The following LRBA variants were observed in gnomAD, a reference collection of about 807,000 sequenced individuals.
LRBA encodes lipopolysaccharide-responsive and beige-like anchor protein.
In LRBA, 176 loss-of-function variants were observed where a neutral mutation model predicts 330.0. The ratio of observed to expected loss-of-function variants is 0.53; its 90% CI spans 0.47 to 0.60. The LOEUF is 0.60. Among genes scored for constraint, LRBA ranks in the 20% least tolerant of loss-of-function variants. The probability of loss-of-function intolerance (pLI) is 0.00; values close to 1 mark genes in which losing one functional copy is unlikely to be tolerated. For missense variants in LRBA, 3,259 were observed against 3,444.8 expected, an observed-to-expected ratio of 0.95 and a Z score of 1.35; for synonymous variants, 1,230 against 1,193.0, an observed-to-expected ratio of 1.03 and a Z score of -0.64.
chr4:150,555,756 A>AACACACACACACACACACACACAC lies in LRBA; in HGVS notation c.6330+32268_6330+32291dup, dbSNP rs34497958. Among the ~76,000 whole-genome samples, 388 of 144,662 alleles carry AACACACACACACACACACACACAC rather than the reference A, an allele frequency of 2.7e-3. 1 individual carries two copies. The highest frequency in any genetic ancestry group is 7.6e-3 in the African/African-American group (293 of 38,396). 94.9% of individuals were successfully genotyped at this position (144,662 alleles called of 152,430 possible). The stretch of plus-strand genomic sequence containing the variant: ...ACAGAGTGAGACTCTGTCTTATAAA[A>AACACACACACACACACACACACAC]ACACACACACACACACACACACACA... On this transcript the variant is annotated intron_variant, in intron 40 of 56. Transcript: ENST00000651943.
chr4:150,800,036 T>C (rs975802255), intron 33 of LRBA, among the ~76,000 whole-genome samples: 16 of 152,324 alleles, frequency 1.1e-4, no homozygotes, highest in African/African-American at 3.6e-4. Flanking sequence ...TGAGCCACCA[T>C]ACCTGGCCCA....
chr4:150,641,003 T>G (rs1778624209), intron 37 of LRBA, among the ~76,000 whole-genome samples: 2 of 152,180 alleles, frequency 1.3e-5, no homozygotes, highest in Non-Finnish European at 2.9e-5. Context: ...TCATATTTTC[T>G]CATGGCAATG....
intron 54 of LRBA, among the ~76,000 whole-genome samples, chr4:150,284,008 C>T (rs1747862127): frequency 1.3e-5 from 2 of 151,894 alleles, no homozygotes; most frequent in African/African-American, 2.4e-5. Context: ...GGGGTATTGG[C>T]CAACAAAGAT....
chr4:150,981,404 C>G (rs1740816524), intron 2 of LRBA, among the ~76,000 whole-genome samples: 1 of 102,284 alleles, frequency 9.8e-6, no homozygotes, highest in Non-Finnish European at 1.9e-5. Context: ...CGGAGTGAGA[C>G]TGTCTCAAAA....
chr4:150,568,676 A>C lies in LRBA; in HGVS notation c.6330+19372T>G, dbSNP rs572227015. Reference sequence around the variant, plus strand: ...AGACTGTTTTCTTATTACAACTTAAAGATTTTAGAGTTTCAAGATTATATC... The same window carrying C: ...AGACTGTTTTCTTATTACAACTTAACGATTTTAGAGTTTCAAGATTATATC... On this transcript the variant is annotated intron_variant, in intron 40 of 56. Coordinates refer to ENST00000651943, the MANE Select transcript of LRBA (RefSeq NM_001364905.1). 3.9e-5 allele frequency among the ~76,000 whole-genome samples: 6 copies of C among 152,266 alleles called. No homozygotes were observed. The South Asian group carries it at 6.2e-4, about 16-fold the overall frequency.
intron 47 of LRBA, among the ~76,000 whole-genome samples, chr4:150,385,771 A>G (rs1339694867): frequency 6.6e-6 from 1 of 152,178 alleles, no homozygotes; most frequent in Non-Finnish European, 1.5e-5. Context: ...TTTAAGACTA[A>G]GGATGCCAAG....
intron 46 of LRBA, among the ~76,000 whole-genome samples, chr4:150,431,087 A>G (rs1332875972): frequency 6.6e-6 from 1 of 152,184 alleles, no homozygotes; most frequent in Non-Finnish European, 1.5e-5. Context: ...AAACTTCATG[A>G]GTCTAATTTG....
chr4:150,608,084 G>A (rs148908021), intron 37 of LRBA, among the ~76,000 whole-genome samples: 3,338 of 152,146 alleles, frequency 0.022, 56 homozygotes, highest in Non-Finnish European at 0.032. Flanking sequence ...GGTGGTGCAC[G>A]CCTGTAGTCC....
intron 47 of LRBA, among the ~76,000 whole-genome samples, chr4:150,384,189 C>A (rs1403185392): frequency 1.3e-4 from 20 of 151,902 alleles, no homozygotes; most frequent in Non-Finnish European, 2.4e-4. Context: ...CAGGCATGCA[C>A]CACCATGCCC....
At chr4:150,696,141 G>A (rs1784598925) in intron 36 of LRBA, among the ~76,000 whole-genome samples, 1 of 152,028 alleles carries the variant, frequency 6.6e-6, no homozygotes, top group African/African-American at 2.4e-5. Flanking sequence ...GAGGCGGGAG[G>A]ATTGCTTGAG....
At chr4:150,584,372 C>T (rs1008522079) in intron 40 of LRBA, 5 of 310,204 alleles carry the variant, frequency 1.6e-5, no homozygotes, top group Admixed American at 4.7e-5. Flanking sequence ...AATCGGGCTC[C>T]GCCACCACAA....
intron 47 of LRBA, among the ~76,000 whole-genome samples, chr4:150,407,250 G>A (rs1386680124): frequency 6.6e-6 from 1 of 152,212 alleles, no homozygotes; most frequent in African/African-American, 2.4e-5. Context: ...GTGTGATACT[G>A]ATTTCAGATT....
intron 30 of LRBA, among the ~76,000 whole-genome samples, chr4:150,818,925 A>T (rs1274839224): frequency 6.6e-6 from 1 of 152,070 alleles, no homozygotes; most frequent in East Asian, 1.9e-4. Context: ...TTTCCTCAAG[A>T]AAGCTTATGT....
intron 47 of LRBA, among the ~76,000 whole-genome samples, chr4:150,367,775 T>A (rs1047888604): frequency 6.6e-6 from 1 of 152,182 alleles, no homozygotes; most frequent in East Asian, 1.9e-4. Context: ...TGCATTCCAA[T>A]AAAAAGCATG....
Position 150,868,170 on chromosome 4 carries a change from G to T in LRBA, c.2573+12C>A. ...TGAATACTGCAAATAAATGCTTTCT[G>T]ATTCAGCTTACCTCCTGTTTTCTCT... is the stretch of plus-strand genomic sequence containing the variant. On this transcript the variant is annotated intron_variant, in intron 21 of 56. Transcript: ENST00000651943. 1 of 1,601,138 alleles carries T rather than the reference G, an allele frequency of 6.2e-7. No individual in the cohort carries two copies. The highest frequency in any genetic ancestry group is 1.1e-5 in the South Asian group (1 of 88,756).
intron 9 of LRBA, among the ~76,000 whole-genome samples, chr4:150,912,668 C>T (rs1011553558): frequency 6.6e-6 from 1 of 152,134 alleles, no homozygotes; most frequent in Non-Finnish European, 1.5e-5. Context: ...GTCCCTGGGA[C>T]CAAAAAGGTT....
At chr4:150,900,932 C>T (rs901811293) in intron 13 of LRBA, among the ~76,000 whole-genome samples, 1 of 152,080 alleles carries the variant, frequency 6.6e-6, no homozygotes, top group South Asian at 2.1e-4. Flanking sequence ...ATATTAACTT[C>T]GAAATATCTC....
At chr4:150,611,771 C>G (rs1775289147) in intron 37 of LRBA, among the ~76,000 whole-genome samples, 1 of 152,170 alleles carries the variant, frequency 6.6e-6, no homozygotes, top group Non-Finnish European at 1.5e-5. Context: ...TATTAATATT[C>G]AGAAATATGT....
chr4:150,776,310 G>A (rs1327047338), intron 34 of LRBA, among the ~76,000 whole-genome samples: 1 of 151,924 alleles, frequency 6.6e-6, no homozygotes, highest in Middle Eastern at 3.4e-3. Context: ...GAGCCAGACT[G>A]TGTCTCAAAA....
Sources: allele counts gnomAD v4.1 joint callset (sites outside exome capture counted in the v4.1 genomes callset), GRCh38; gene constraint gnomAD v4.1.1; transcripts MANE v1.5; gene names NCBI Gene and HGNC (gene_info 2026-07-23, HGNC 2026-07-21).